Variants in GPHN observed in about 807,000 individuals in gnomAD.
GPHN encodes gephyrin.
GPHN carries 17 observed loss-of-function variants against 95.5 expected under a neutral mutation model. The ratio of observed to expected loss-of-function variants is 0.18; its 90% CI spans 0.12 to 0.27. GPHN has a LOEUF of 0.27. Ranked by LOEUF, GPHN falls within the 10% of genes least tolerant of loss-of-function variation. GPHN has a pLI of 1.00. For synonymous variants in GPHN, 320 were observed against 322.5 expected (o/e 0.99, Z 0.08); for missense variants, 660 against 978.1 (o/e 0.67, Z 4.34).
the GPHN span, among the ~76,000 whole-genome samples, chr14:67,350,140 A>C: frequency 3.9e-5 from 6 of 152,218 alleles, no homozygotes; most frequent in Admixed American, 2.0e-4. Flanking sequence ...TACTGATGTC[A>C]CCAAAGCCAT....
the GPHN span, chr14:67,199,968 T>C: frequency 3.3e-6 from 4 of 1,205,322 alleles, no homozygotes; most frequent in South Asian, 4.7e-5. Flanking sequence ...GAGTGCCCCA[T>C]CCAGGGATGT....
chr14:67,205,251 T>C, the GPHN span, among the ~76,000 whole-genome samples: 4 of 152,124 alleles, frequency 2.6e-5, no homozygotes, highest in African/African-American at 9.7e-5. Context: ...TGAACCCTGG[T>C]GTAAAGGAGT....
At chr14:66,564,235 T>C (rs985307044) in intron 1 of GPHN, among the ~76,000 whole-genome samples, 1 of 152,120 alleles carries the variant, frequency 6.6e-6, no homozygotes, top group African/African-American at 2.4e-5. Flanking sequence ...TTGGAGGATG[T>C]ACAAAGAAGT....
At chr14:66,614,157 G>A (rs1038831909) in intron 1 of GPHN, among the ~76,000 whole-genome samples, 5 of 152,088 alleles carry the variant, frequency 3.3e-5, no homozygotes, top group African/African-American at 7.2e-5. Flanking sequence ...TTTTGAGGCC[G>A]TAGATAATGA....
At chr14:67,575,630 T>C in the GPHN span, 12 of 710,014 alleles carry the variant, frequency 1.7e-5, no homozygotes, top group Non-Finnish European at 3.0e-5. Context: ...TCTGCCTGTC[T>C]GGGTCTCTGG....
chr14:66,843,627 G>T (rs531014011), intron 4 of GPHN, among the ~76,000 whole-genome samples: 1 of 152,242 alleles, frequency 6.6e-6, no homozygotes, highest in East Asian at 1.9e-4. Flanking sequence ...CACTGGCATT[G>T]CTCCTCTGTT....
At chr14:67,350,883 T>A in the GPHN span, among the ~76,000 whole-genome samples, 1 of 152,362 alleles carries the variant, frequency 6.6e-6, no homozygotes, top group East Asian at 1.9e-4. Context: ...TTACAAACTA[T>A]GAGTTTTATA....
chr14:67,583,095 A>G, the GPHN span, among the ~76,000 whole-genome samples: 1 of 152,180 alleles, frequency 6.6e-6, no homozygotes, highest in African/African-American at 2.4e-5. Flanking sequence ...CACCTACTAT[A>G]TACCCACAAA....
chr14:66,514,359 TAGAA>T (rs1209746421), intron 1 of GPHN, among the ~76,000 whole-genome samples: 2 of 152,036 alleles, frequency 1.3e-5, no homozygotes, highest in African/African-American at 2.4e-5. Flanking sequence ...CACTGAATCA[TAGAA>T]AGAACACTGT....
chr14:67,089,145 T>TTTTTTTTTTTTTTTTTTTTTTTTTTTG, intron 12 of GPHN, 70 bp downstream of exon 12: 1 of 482,022 alleles, frequency 2.1e-6, no homozygotes, highest in South Asian at 1.9e-5. Flanking sequence ...TTTTTTTTTT[T>TTTTTTTTTTTTTTTTTTTTTTTTTTTG]TTTTTTTTTT....
intron 1 of GPHN, among the ~76,000 whole-genome samples, chr14:66,521,810 C>T (rs1226529556): frequency 6.6e-6 from 1 of 152,104 alleles, no homozygotes; most frequent in African/African-American, 2.4e-5. Flanking sequence ...GGGACGCACA[C>T]ATTCAGACCA....
chr14:67,478,789 G>T, the GPHN span, among the ~76,000 whole-genome samples: 1 of 152,066 alleles, frequency 6.6e-6, no homozygotes, highest in Non-Finnish European at 1.5e-5. Context: ...CTCCAGAGTT[G>T]TCTTCCCACT....
intron 3 of GPHN, among the ~76,000 whole-genome samples, chr14:66,811,959 G>A (rs111827229): frequency 5.2e-4 from 79 of 152,324 alleles, no homozygotes; most frequent in African/African-American, 1.6e-3. Flanking sequence ...CTACCATTTG[G>A]AAGAAGGCAC....
chr14:66,775,897 A>T (rs1194076483), intron 2 of GPHN, among the ~76,000 whole-genome samples: 4 of 152,192 alleles, frequency 2.6e-5, no homozygotes, highest in Non-Finnish European at 5.9e-5. Context: ...TGCTGGGCAC[A>T]CACGTCTCTC....
intron 1 of GPHN, among the ~76,000 whole-genome samples, chr14:66,562,133 A>G (rs1226556798): frequency 6.6e-6 from 1 of 152,158 alleles, no homozygotes; most frequent in African/African-American, 2.4e-5. Flanking sequence ...TGTATTTGCT[A>G]CATGAAGGGA....
chr14:66,618,686 A>G (rs1306244932), intron 1 of GPHN, among the ~76,000 whole-genome samples: 2 of 152,212 alleles, frequency 1.3e-5, no homozygotes, highest in Non-Finnish European at 2.9e-5. Flanking sequence ...AATAGTTGAC[A>G]GAGTTTACCA....
chr14:67,018,831 T>A (rs1225074328), intron 9 of GPHN, among the ~76,000 whole-genome samples: 4 of 152,018 alleles, frequency 2.6e-5, no homozygotes, highest in African/African-American at 9.7e-5. Context: ...ACAATCTTTA[T>A]TTTTTTTCTG....
chr14:67,348,418 G>A, the GPHN span, among the ~76,000 whole-genome samples: 1 of 151,726 alleles, frequency 6.6e-6, no homozygotes, highest in Non-Finnish European at 1.5e-5. Context: ...TGTTGGCCAG[G>A]CTGGTCTCGA....
chr14:67,623,534 C>CTTTTTTTT, the GPHN span, among the ~76,000 whole-genome samples: 8 of 82,924 alleles, frequency 9.6e-5, 1 homozygote, highest in African/African-American at 3.9e-4. Context: ...CTCAGGTAAC[C>CTTTTTTTT]TTTTTTTTTT....
Sources: allele counts gnomAD v4.1 joint callset (sites outside exome capture counted in the v4.1 genomes callset), GRCh38; gene constraint gnomAD v4.1.1; transcripts MANE v1.5; gene names NCBI Gene and HGNC (gene_info 2026-07-23, HGNC 2026-07-21).